The following CNOT1 variants were observed in gnomAD, a reference collection of about 807,000 sequenced individuals.
CNOT1 encodes CCR4-NOT transcription complex subunit 1.
In CNOT1, 15 loss-of-function variants were observed where a neutral mutation model predicts 273.8. The observed-to-expected ratio is 0.05, with a 90% CI of 0.04 to 0.08. The LOEUF is 0.08. CNOT1 is among the 10% of genes least tolerant of loss of function. The pLI is 1.00. For synonymous variants in CNOT1, 1,022 were observed against 1,005.5 expected (o/e 1.02, Z -0.31); for missense variants, 1,644 against 2,912.2 (o/e 0.56, Z 10.02).
intron 39 of CNOT1, 93 bp from the exon 40 acceptor site, chr16:58,534,488 AT>A (rs2039867429): frequency 7.5e-7 from 1 of 1,334,082 alleles, no homozygotes; most frequent in Non-Finnish European, 1.0e-6. Context: ...AGATATTCTC[AT>A]TTGTTCCTAC....
At chr16:58,610,629 G>A (rs1391633973) in intron 1 of CNOT1, among the ~76,000 whole-genome samples, 1 of 152,012 alleles carries the variant, frequency 6.6e-6, no homozygotes, top group Admixed American at 6.6e-5. Flanking sequence ...GGATCACAAG[G>A]TCAGGAGATC....
intron 1 of CNOT1, among the ~76,000 whole-genome samples, chr16:58,629,455 T>C (rs2043736273): frequency 6.6e-6 from 1 of 152,052 alleles, no homozygotes; most frequent in African/African-American, 2.4e-5. Context: ...GAGACCACCA[T>C]GGGTCTCACC....
rs118021044 is a variant in CNOT1 at position 58,523,927 on chromosome 16, C to T, written c.6785-425G>A. On this transcript the variant is annotated intron_variant, in intron 46 of 48. Transcript: ENST00000317147. ...CTGTACACTCATGACAGAATAGACCCAAAAATGTAAATGTTGTTTTATGAT... is the reference window on the plus strand; with the variant it reads ...CTGTACACTCATGACAGAATAGACCTAAAAATGTAAATGTTGTTTTATGAT... The T allele has an allele frequency of 9.3e-3, 1,444 of 154,680 alleles. 6 individuals are homozygous for T. The highest frequency in any genetic ancestry group is 0.017 in the Non-Finnish European group (1,170 of 69,562). 9.6% of individuals were successfully genotyped at this position (154,680 alleles called of 1,614,324 possible).
Position 58,599,276 on chromosome 16 carries a change from G to A in CNOT1, c.62C>T (p.Thr21Ile). 1 of 1,614,042 alleles carries A rather than the reference G, an allele frequency of 6.2e-7. No individual in the cohort carries two copies. Among genetic ancestry groups the A allele is most frequent in the Non-Finnish European group, 8.5e-7 (1 of 1,180,018 alleles). The change falls in exon 2 of 49, where the codon ACC (threonine) becomes ATC (isoleucine). Residue 21 changes from threonine (T) to isoleucine (I), a missense_variant. Around this residue, in one of 13 missense-constraint regions of CNOT1, gnomAD observed 706 missense variants for 1,021.2 expected, o/e 0.69. Transcript: ENST00000317147. ...SQISYLVDNL[T>I]KKNYRASQQE... ...CTGGCTGGCTCGGTAATTTTTCTTG[G>A]TTAAATTGTCCACCAGGTAGCTGAT...
At chr16:58,528,444 T>C (rs758841492) in intron 44 of CNOT1, 31 bp downstream of exon 44, 4 of 1,527,166 alleles carry the variant, frequency 2.6e-6, no homozygotes, top group Non-Finnish European at 2.7e-6. Flanking sequence ...TATTAAGACA[T>C]AAGTTTTCCT....
rs56040745 is a variant in CNOT1 at position 58,580,303 on chromosome 16, T to TAA, written c.1343+328_1343+329dup. Among the ~76,000 whole-genome samples, 463 of 137,852 alleles carry TAA rather than the reference T, an allele frequency of 3.4e-3. 3 individuals carry two copies. The highest frequency in any genetic ancestry group is 9.1e-3 in the African/African-American group (339 of 37,236). 90.4% of individuals were successfully genotyped at this position (137,852 alleles called of 152,430 possible). On this transcript the variant is annotated intron_variant, in intron 12 of 48. Transcript: ENST00000317147. ...TTGGCCACCTTGAGCAACTTACAAA[T>TAA]AAAAAAAAAAAAAGGCATAAGCTCT...
intron 38 of CNOT1, among the ~76,000 whole-genome samples, chr16:58,537,587 G>C (rs1409157170): frequency 6.6e-6 from 1 of 152,112 alleles, no homozygotes. Context: ...ATAAAGAATA[G>C]GTTTAAGGAG....
Position 58,571,202 on chromosome 16 carries a change from G to GA in CNOT1, c.1979+3406dup, listed in dbSNP as rs1307640789. On this transcript the variant is annotated intron_variant, in intron 16 of 48. Transcript: ENST00000317147. ...AGTATCAAACAAAACAAATGTTTAAGAAAAAAACTGTTAATAGAGACAAAG... is the reference window on the plus strand; with the variant it reads ...AGTATCAAACAAAACAAATGTTTAAGAAAAAAAACTGTTAATAGAGACAAAG... Among the ~76,000 whole-genome samples, 5 of 152,188 alleles carry GA rather than the reference G, an allele frequency of 3.3e-5. No individual in the cohort carries two copies. In the South Asian group the frequency reaches 1.0e-3, roughly 32 times the overall value.
chr16:58,546,270 A>T, intron 29 of CNOT1, 51 bp downstream of exon 29: 3 of 1,470,246 alleles, frequency 2.0e-6, no homozygotes, highest in Non-Finnish European at 2.8e-6. Context: ...GTACCATTTA[A>T]GATAGTATCC....
chr16:58,622,341 G>C (rs1355671065), intron 1 of CNOT1, among the ~76,000 whole-genome samples: 1 of 64,080 alleles, frequency 1.6e-5, no homozygotes, highest in Non-Finnish European at 4.1e-5. Context: ...AGTGGGGGGG[G>C]GGGGGGGGGC....
intron 1 of CNOT1, among the ~76,000 whole-genome samples, chr16:58,604,468 C>G (rs918610278): frequency 6.6e-6 from 1 of 151,848 alleles, no homozygotes; most frequent in Non-Finnish European, 1.5e-5. Flanking sequence ...AACTTCATAT[C>G]CAGGCCAAAA....
In CNOT1 at chr16:58,537,597, G is replaced by C. The variant is rs1257472853; in HGVS notation, c.5414+294C>G. Among the ~76,000 whole-genome samples the C allele has an allele frequency of 3.9e-5, 6 of 152,170 alleles. No homozygotes were observed. The East Asian group carries it at 9.6e-4, about 24-fold the overall frequency. On this transcript the variant is annotated intron_variant, in intron 38 of 48. Transcript: ENST00000317147. ...TTTCTATAAAGAATAGGTTTAAGGA[G>C]GATAAGTCAATTTGCCTAAAATCAG... is the stretch of plus-strand genomic sequence containing the variant.
intron 1 of CNOT1, among the ~76,000 whole-genome samples, chr16:58,619,717 C>A (rs1173829136): frequency 1.3e-5 from 2 of 152,060 alleles, no homozygotes; most frequent in African/African-American, 4.8e-5. Flanking sequence ...AGCCACCGCG[C>A]GTAGCCAAGT....
At chr16:58,603,976 T>C (rs1292326364) in intron 1 of CNOT1, among the ~76,000 whole-genome samples, 1 of 152,190 alleles carries the variant, frequency 6.6e-6, no homozygotes, top group East Asian at 1.9e-4. Flanking sequence ...TCATGTCCCA[T>C]AGTAAGAACT....
chr16:58,623,166 G>A (rs956660639), intron 1 of CNOT1: 3 of 150,416 alleles, frequency 2.0e-5, no homozygotes, highest in Non-Finnish European at 4.4e-5. Flanking sequence ...CTCCAGCCTG[G>A]GGGATACAGC....
rs1438656797 is a variant in CNOT1 at position 58,531,543 on chromosome 16, A to G, written c.6177+415T>C. Among the ~76,000 whole-genome samples the G allele has an allele frequency of 2.0e-5, 3 of 152,194 alleles. No homozygotes were observed. In the East Asian group the frequency reaches 5.8e-4, roughly 29 times the overall value. On this transcript the variant is annotated intron_variant, in intron 42 of 48. Coordinates refer to ENST00000317147, the MANE Select transcript of CNOT1 (RefSeq NM_016284.5). ...AACCAACAAGCTCCAGAGCCCTGTTACCCAGAGATTTATTCAGATATTTAT... is the reference window on the plus strand; with the variant it reads ...AACCAACAAGCTCCAGAGCCCTGTTGCCCAGAGATTTATTCAGATATTTAT...
chr16:58,571,186 C>A (rs1209435270), intron 16 of CNOT1, among the ~76,000 whole-genome samples: 1 of 151,996 alleles, frequency 6.6e-6, no homozygotes, highest in African/African-American at 2.4e-5. Context: ...TAGTATCAAA[C>A]AAAACAAATG....
intron 12 of CNOT1, among the ~76,000 whole-genome samples, chr16:58,579,264 C>A (rs1347388475): frequency 6.6e-6 from 1 of 152,056 alleles, no homozygotes; most frequent in African/African-American, 2.4e-5. Context: ...ATTTCTCTAT[C>A]AAATCAATGG....
intron 1 of CNOT1, among the ~76,000 whole-genome samples, chr16:58,629,187 GGGGCGTAAGACGGGGA>G (rs1567456409): frequency 1.3e-5 from 2 of 152,234 alleles, no homozygotes; most frequent in African/African-American, 4.8e-5. Context: ...CAACGTGCTG[GGGGCGTAAGACGGGGA>G]GAGTGGCAGC....
Sources: gnomAD v4.1 joint callset for allele counts (sites outside exome capture counted in the v4.1 genomes callset) on GRCh38, gnomAD v4.1.1 for gene constraint, gnomAD v4.1.1 regional missense constraint, MANE v1.5 for transcripts, NCBI Gene and HGNC (gene_info 2026-07-23, HGNC 2026-07-21) for gene names.